CYP3A4: variants seen among roughly 807,000 people sequenced by gnomAD.
CYP3A4 encodes the protein cytochrome P450 3A4.
CYP3A4 carries 41 observed loss-of-function variants against 54.9 expected under a neutral mutation model. The ratio of observed to expected loss-of-function variants is 0.75; its 90% CI spans 0.58 to 0.97. CYP3A4 has a LOEUF of 0.97. Among genes scored for constraint, CYP3A4 ranks in the 50% least tolerant of loss-of-function variants. CYP3A4 has a pLI of 0.00. For synonymous variants in CYP3A4, 179 were observed against 205.2 expected, an observed-to-expected ratio of 0.87 and a Z score of 1.09; for missense variants, 510 against 597.3, an observed-to-expected ratio of 0.85 and a Z score of 1.52.
chr7:99,762,232 C>G lies in CYP3A4; in HGVS notation c.1062G>C (p.Glu354Asp). ...TTTCATTCACCACCATGTCAAGATA[C>G]TCCATCTGTAGCACAGTATCATAGG... is the stretch of plus-strand genomic sequence containing the variant. ...PPTYDTVLQM[E>D]YLDMVVNETL... is the part of the protein sequence containing the mutation. Residue 354 changes from glutamate to aspartate, a missense_variant, in exon 11 of 13, where the codon GAG (glutamate) becomes GAC (aspartate). By Grantham distance (45) the Glu-to-Asp change is conservative. This residue lies in a region of CYP3A4 where 238 missense variants were observed against 322.5 expected (regional missense o/e 0.74). Transcript: ENST00000651514. 1.9e-6 allele frequency: 3 copies of G among 1,614,066 alleles called. No individual in the cohort carries two copies. The highest frequency in any genetic ancestry group is 2.5e-6 in the Non-Finnish European group (3 of 1,179,982).
At position 99,767,231 on chromosome 7, in the gene CYP3A4, A is replaced by G. The variant is rs75726589; in HGVS notation, c.698T>C (p.Leu233Pro). ...ITVFPFLIPI[L>P]EVLNICVFPR... ...AAACACACAGATATTTAATACTTCAAGAATTGGGATGAGGAATGGAAAGAC... is the reference window on the plus strand; with the variant it reads ...AAACACACAGATATTTAATACTTCAGGAATTGGGATGAGGAATGGAAAGAC... The change falls in exon 8 of 13, where the codon CTT (leucine) becomes CCT (proline). Residue 233 changes from leucine (L) to proline (P), a missense_variant. By Grantham distance (98) the Leu-to-Pro change is moderately conservative. Around this residue, in one of 2 missense-constraint regions of CYP3A4, gnomAD observed 272 missense variants for 274.9 expected, o/e 0.99. Coordinates refer to ENST00000651514, the MANE Select transcript of CYP3A4 (RefSeq NM_017460.6). 1 of 1,603,210 alleles carries G rather than the reference A, an allele frequency of 6.2e-7. No homozygotes were observed. Among genetic ancestry groups the G allele is most frequent in the African/African-American group, 1.3e-5 (1 of 74,352 alleles).
chr7:99,783,740 C>T (rs1336551623), intron 1 of CYP3A4, among the ~76,000 whole-genome samples: 1 of 151,320 alleles, frequency 6.6e-6, no homozygotes, highest in Non-Finnish European at 1.5e-5. Flanking sequence ...TCCCAAGTAG[C>T]TGGGAATACA....
chr7:99,763,807 TGCTAAGG>T (rs1319818701), intron 10 of CYP3A4, 41 bp downstream of exon 10: 1 of 1,609,142 alleles, frequency 6.2e-7, no homozygotes, highest in South Asian at 1.1e-5. Context: ...GAGGCATTTT[TGCTAAGG>T]TTTCACCTCC....
chr7:99,780,731 A>G (rs1815899772), intron 1 of CYP3A4, among the ~76,000 whole-genome samples: 1 of 152,188 alleles, frequency 6.6e-6, no homozygotes, highest in African/African-American at 2.4e-5. Context: ...CAAGGCTTCC[A>G]TTGACCTCAT....
rs752394944 is a variant in CYP3A4, at chr7:99,769,737, C to T, written c.521+31G>A. The T allele has an allele frequency of 3.7e-6, 6 of 1,612,348 alleles. No individual in the cohort carries two copies. The South Asian group carries it at 5.5e-5, about 15-fold the overall frequency. On this transcript the variant is annotated intron_variant, in intron 6 of 12. Transcript: ENST00000651514. ...AGGCAGCTGGAGGGGTTCATGACAGCTCAGAACCCCATGGCTGCGCTTCTA... is the reference window on the plus strand; with the variant it reads ...AGGCAGCTGGAGGGGTTCATGACAGTTCAGAACCCCATGGCTGCGCTTCTA...
intron 1 of CYP3A4, among the ~76,000 whole-genome samples, chr7:99,782,778 C>T (rs1465424860): frequency 1.3e-5 from 2 of 152,146 alleles, no homozygotes; most frequent in Admixed American, 1.3e-4. Context: ...TTAACATAAC[C>T]TGCTAAGCAG....
chr7:99,761,979 G>C, intron 11 of CYP3A4, 62 bp downstream of exon 11: 1 of 1,404,844 alleles, frequency 7.1e-7, no homozygotes, highest in Non-Finnish European at 1.0e-6. Context: ...TAGATTAAGA[G>C]AGGCAGAATA....
Position 99,757,976 on chromosome 7 carries a change from G to T in CYP3A4, c.*157C>A. On this transcript the variant is annotated 3_prime_UTR_variant, in exon 13 of 13. Coordinates refer to ENST00000651514, the MANE Select transcript of CYP3A4 (RefSeq NM_017460.6). ...GTATAACACTCTACACAGACAATGAGAGAGCTCAATGCATGTACAGAATCC... is the reference window on the plus strand; with the variant it reads ...GTATAACACTCTACACAGACAATGATAGAGCTCAATGCATGTACAGAATCC... 1 of 635,974 alleles carries T rather than the reference G, an allele frequency of 1.6e-6. No individual in the cohort carries two copies. The highest frequency in any genetic ancestry group is 2.8e-6 in the Non-Finnish European group (1 of 359,206). 39.4% of individuals were successfully genotyped at this position (635,974 alleles called of 1,614,324 possible).
intron 8 of CYP3A4, chr7:99,766,797 A>G: frequency 5.5e-6 from 2 of 366,120 alleles, no homozygotes; most frequent in Non-Finnish European, 9.9e-6. Flanking sequence ...TATCAGTAAA[A>G]TATATTTCCA....
intron 1 of CYP3A4, among the ~76,000 whole-genome samples, chr7:99,780,419 C>T (rs1048177699): frequency 6.6e-5 from 10 of 152,092 alleles, no homozygotes; most frequent in African/African-American, 1.7e-4. Flanking sequence ...TGTTCCTTTA[C>T]GTCTATTTAG....
At position 99,770,316 on chromosome 7, in the gene CYP3A4, C is replaced by T. The variant is rs12721628; in HGVS notation, c.319-81G>A. ...TTGTAGAAAATGTGTTAAACAGGAA[C>T]ACTTATTCAACAACTATTTAGTGAC... On this transcript the variant is annotated intron_variant, in intron 4 of 12. Coordinates refer to ENST00000651514, the MANE Select transcript of CYP3A4 (RefSeq NM_017460.6). 11 of 1,288,554 alleles carry T rather than the reference C, an allele frequency of 8.5e-6. No individual in the cohort carries two copies. The East Asian group carries it at 2.7e-4, about 32-fold the overall frequency. 79.8% of individuals were successfully genotyped at this position (1,288,554 alleles called of 1,614,324 possible).
chr7:99,766,024 C>T (rs949819531), intron 9 of CYP3A4, among the ~76,000 whole-genome samples: 18 of 151,824 alleles, frequency 1.2e-4, no homozygotes, highest in African/African-American at 4.1e-4. Flanking sequence ...AATGGAAAAA[C>T]CCACAATTAA....
At chr7:99,770,716 T>C (rs892048414) in intron 4 of CYP3A4, among the ~76,000 whole-genome samples, 6 of 152,122 alleles carry the variant, frequency 3.9e-5, no homozygotes, top group African/African-American at 1.4e-4. Flanking sequence ...TTAAAAAAAA[T>C]AGTAGGTAAT....
At chr7:99,765,500 A>T (rs895947629) in intron 9 of CYP3A4, among the ~76,000 whole-genome samples, 4 of 152,328 alleles carry the variant, frequency 2.6e-5, no homozygotes, top group African/African-American at 7.2e-5. Flanking sequence ...AGATAGATAG[A>T]TAGATACATA....
At chr7:99,764,967 T>C (rs1767036544) in intron 9 of CYP3A4, among the ~76,000 whole-genome samples, 2 of 152,070 alleles carry the variant, frequency 1.3e-5, no homozygotes, top group African/African-American at 4.8e-5. Flanking sequence ...ACCTGGAACA[T>C]AGAAATAAAT....
intron 1 of CYP3A4, among the ~76,000 whole-genome samples, chr7:99,781,671 A>G (rs1173705125): frequency 6.6e-6 from 1 of 152,194 alleles, no homozygotes. Flanking sequence ...GGCCCCAGAG[A>G]GGCAAATTAG....
intron 10 of CYP3A4, among the ~76,000 whole-genome samples, chr7:99,763,157 C>T (rs1815382876): frequency 6.6e-6 from 1 of 152,108 alleles, no homozygotes; most frequent in African/African-American, 2.4e-5. Context: ...CAGGGCCAGG[C>T]TCCGTCAGAC....
chr7:99,779,979 C>G lies in CYP3A4; in HGVS notation c.165+13G>C. The G allele has an allele frequency of 6.2e-7, 1 of 1,608,008 alleles. No homozygotes were observed. Among genetic ancestry groups the G allele is most frequent in the Non-Finnish European group, 8.5e-7 (1 of 1,174,852 alleles). ...ATCATAAGAAGCAAAAGAGTGAGCTCAAAAACACTCACCTTATGGTAGGAC... is the reference window on the plus strand; with the variant it reads ...ATCATAAGAAGCAAAAGAGTGAGCTGAAAAACACTCACCTTATGGTAGGAC... On this transcript the variant is annotated intron_variant, in intron 2 of 12. Coordinates refer to ENST00000651514, the MANE Select transcript of CYP3A4 (RefSeq NM_017460.6).
chr7:99,770,345 C>G, intron 4 of CYP3A4, 110 bp from the exon 5 acceptor site: 1 of 916,518 alleles, frequency 1.1e-6, no homozygotes, highest in South Asian at 1.4e-5. Flanking sequence ...TAGTGACTGT[C>G]TACTGGGTGA....
Sources: gnomAD v4.1 joint callset for allele counts (sites outside exome capture counted in the v4.1 genomes callset) on GRCh38, gnomAD v4.1.1 for gene constraint, gnomAD v4.1.1 regional missense constraint, MANE v1.5 for transcripts, NCBI Gene and HGNC (gene_info 2026-07-23, HGNC 2026-07-21) for gene names.